PRICKLE2: variants seen among roughly 807,000 people sequenced by gnomAD.
PRICKLE2 encodes prickle planar cell polarity protein 2.
PRICKLE2 carries 21 observed loss-of-function variants against 81.4 expected under a neutral mutation model. The observed-to-expected ratio is 0.26, with a 90% CI of 0.18 to 0.37. The LOEUF is 0.37. PRICKLE2 is among the 10% of genes least tolerant of loss of function. The pLI, the probability that PRICKLE2 is intolerant of heterozygous loss-of-function variation, is 1.00. For missense variants in PRICKLE2, 940 were observed against 1,109.0 expected (o/e 0.85, Z 2.16); for synonymous variants, 456 against 421.5 (o/e 1.08, Z -1.00).
intron 2 of PRICKLE2, among the ~76,000 whole-genome samples, chr3:64,261,487 C>G (rs2079614360): frequency 6.6e-6 from 1 of 152,028 alleles, no homozygotes; most frequent in African/African-American, 2.4e-5. Flanking sequence ...TATTTTGGAT[C>G]TTGGAAAGTG....
intron 7 of PRICKLE2, among the ~76,000 whole-genome samples, chr3:64,143,140 A>G (rs1465584510): frequency 6.6e-6 from 1 of 152,232 alleles, no homozygotes; most frequent in Non-Finnish European, 1.5e-5. Context: ...TAGCCACAGG[A>G]GGCTATTGAA....
At chr3:64,200,801 G>C (rs984310253) in intron 1 of PRICKLE2, 1 of 152,108 alleles carries the variant, frequency 6.6e-6, no homozygotes, top group African/African-American at 2.4e-5. Context: ...ATTTTTAGTA[G>C]AGACGGGGTT....
At chr3:64,129,671 A>G (rs1410374047) in intron 7 of PRICKLE2, among the ~76,000 whole-genome samples, 3 of 152,164 alleles carry the variant, frequency 2.0e-5, no homozygotes, top group African/African-American at 7.2e-5. Flanking sequence ...CATTGAGCCT[A>G]GGAGTTTAAT....
intron 7 of PRICKLE2, among the ~76,000 whole-genome samples, chr3:64,110,072 G>A (rs940560647): frequency 3.3e-5 from 5 of 152,340 alleles, no homozygotes; most frequent in South Asian, 4.1e-4. Context: ...ATCATGTGGA[G>A]TCAGTTTTAA....
At chr3:64,224,316 A>T (rs2079000550) in intron 1 of PRICKLE2, among the ~76,000 whole-genome samples, 1 of 152,218 alleles carries the variant, frequency 6.6e-6, no homozygotes, top group East Asian at 1.9e-4. Context: ...CGAGAAGCCA[A>T]GAGTGAGGAG....
At chr3:64,181,224 G>A (rs573239391) in intron 2 of PRICKLE2, among the ~76,000 whole-genome samples, 2 of 152,254 alleles carry the variant, frequency 1.3e-5, no homozygotes, top group East Asian at 3.9e-4. Flanking sequence ...GCTCACGACA[G>A]AGTCTTCTGA....
chr3:64,166,773 T>C (rs1443744352), intron 2 of PRICKLE2, among the ~76,000 whole-genome samples: 1 of 152,230 alleles, frequency 6.6e-6, no homozygotes, highest in African/African-American at 2.4e-5. Flanking sequence ...GTAGGTGATG[T>C]GGCTTGCTCT....
At chr3:64,166,581 T>C (rs933969165) in intron 2 of PRICKLE2, among the ~76,000 whole-genome samples, 4 of 152,218 alleles carry the variant, frequency 2.6e-5, no homozygotes, top group African/African-American at 7.2e-5. Context: ...AGCCTACTGA[T>C]AACCACTCAA....
chr3:64,204,930 C>G (rs537069220), intron 1 of PRICKLE2, among the ~76,000 whole-genome samples: 8 of 152,114 alleles, frequency 5.3e-5, no homozygotes, highest in Non-Finnish European at 1.2e-4. Context: ...CATCTCTCCC[C>G]CTTTGGCAAA....
chr3:64,235,841 C>T (rs1158525162), intron 2 of PRICKLE2, among the ~76,000 whole-genome samples: 5 of 152,058 alleles, frequency 3.3e-5, no homozygotes, highest in African/African-American at 1.2e-4. Flanking sequence ...AAGCATAGCC[C>T]GAGACTAGAA....
At chr3:64,226,878 G>T (rs1047047122), upstream of PRICKLE2, among the ~76,000 whole-genome samples, 1 of 152,222 alleles carries the variant, frequency 6.6e-6, no homozygotes, top group African/African-American at 2.4e-5. Flanking sequence ...GTGAGGGAAA[G>T]GTTGGGGAGG....
At chr3:64,100,800 T>C (rs964479826) in intron 7 of PRICKLE2, 1 of 152,262 alleles carries the variant, frequency 6.6e-6, no homozygotes, top group Admixed American at 6.5e-5. Flanking sequence ...ATTTTGCTCA[T>C]TTTCAGGCAG....
intron 2 of PRICKLE2, among the ~76,000 whole-genome samples, chr3:64,165,962 A>AGG (rs775309303): frequency 1.7e-4 from 21 of 122,988 alleles, no homozygotes; most frequent in African/African-American, 6.5e-4. Context: ...ACTGTTATAA[A>AGG]GGTGTGTGTG....
chr3:64,182,397 G>C (rs2078151171), intron 2 of PRICKLE2, among the ~76,000 whole-genome samples: 1 of 152,024 alleles, frequency 6.6e-6, no homozygotes, highest in Non-Finnish European at 1.5e-5. Flanking sequence ...TGAGGTGGGA[G>C]GATGGAGGAT....
At position 64,115,445 on chromosome 3, in the gene PRICKLE2, T is replaced by C. The variant is rs565774650; in HGVS notation, c.1661-15520A>G. Among the ~76,000 whole-genome samples the C allele has an allele frequency of 9.9e-5, 15 of 152,208 alleles. No homozygotes were observed. The East Asian group carries it at 2.7e-3, about 27-fold the overall frequency. On this transcript the variant is annotated intron_variant, in intron 7 of 7. Coordinates refer to ENST00000638394, the MANE Select transcript of PRICKLE2 (RefSeq NM_198859.4). ...ACCAAGACCCATTATTATGCTGTCT[T>C]CAAGAGACCCATCTCCCATGCAGAC...
intron 7 of PRICKLE2, among the ~76,000 whole-genome samples, chr3:64,128,803 G>T (rs1246043026): frequency 7.3e-6 from 1 of 136,448 alleles, no homozygotes; most frequent in Admixed American, 7.2e-5. Context: ...CATTTTAAAA[G>T]AAAAAAAAGT....
At chr3:64,191,038 C>A (rs153727) in intron 2 of PRICKLE2, among the ~76,000 whole-genome samples, 1 of 152,152 alleles carries the variant, frequency 6.6e-6, no homozygotes, top group African/African-American at 2.4e-5. Flanking sequence ...ACAGGCTCCA[C>A]AGAGCCAGAG....
In PRICKLE2 at chr3:64,153,199, G is replaced by C; in HGVS notation, c.770C>G (p.Thr257Ser). 4.3e-6 allele frequency: 7 copies of C among 1,614,204 alleles called. No individual in the cohort carries two copies. The highest frequency in any genetic ancestry group is 2.5e-6 in the Non-Finnish European group (3 of 1,180,026). The change falls in exon 6 of 8, where the codon ACC becomes AGC. Residue 257 changes from threonine (T) to serine (S), a missense_variant. Physicochemically the swap from Thr to Ser is moderately conservative, Grantham distance 58. Coordinates refer to ENST00000638394, the MANE Select transcript of PRICKLE2 (RefSeq NM_198859.4). ...FESLYAEYCD[T>S]CAQHIGIDQG... is the part of the protein sequence containing the mutation. ...TGCCTCACCTATATGTTGGGCACAG[G>C]TGTCACAATATTCTGCATACAAGGA...
At chr3:64,142,045 C>T (rs771792872) in intron 7 of PRICKLE2, 227 of 679,702 alleles carry the variant, frequency 3.3e-4, no homozygotes, top group Non-Finnish European at 3.9e-4. Context: ...CAGTGAGGGA[C>T]AGCAGCAAAA....
Sources: allele counts gnomAD v4.1 joint callset (sites outside exome capture counted in the v4.1 genomes callset), GRCh38; gene constraint gnomAD v4.1.1; transcripts MANE v1.5; gene names NCBI Gene and HGNC (gene_info 2026-07-23, HGNC 2026-07-21).